PLEKHM1: variants seen among roughly 807,000 people sequenced by gnomAD.
PLEKHM1 encodes the protein pleckstrin homology domain-containing family M member 1.
PLEKHM1 carries 28 observed loss-of-function variants against 94.3 expected under a neutral mutation model. The observed-to-expected ratio is 0.30, with a 90% confidence interval of 0.22 to 0.41. The LOEUF (loss-of-function observed/expected upper bound fraction) is 0.41, where lower values mean the gene tolerates loss of function less well. Ranked by LOEUF, PLEKHM1 falls within the 10% of genes least tolerant of loss-of-function variation. PLEKHM1 has a pLI of 1.00. For missense variants in PLEKHM1, 907 were observed against 1,358.6 expected, an observed-to-expected ratio of 0.67 and a Z score of 5.22; for synonymous variants, 424 against 581.2, an observed-to-expected ratio of 0.73 and a Z score of 3.89.
intron 10 of PLEKHM1, 144 bp downstream of exon 10, chr17:45,440,019 C>T (rs921402793): frequency 5.0e-6 from 4 of 804,134 alleles, no homozygotes; most frequent in Admixed American, 2.0e-5. Flanking sequence ...GGCAGCAGGG[C>T]AACCCACCCT....
At chr17:45,466,985 A>ACC (rs2051339101) in intron 5 of PLEKHM1, among the ~76,000 whole-genome samples, 1 of 152,240 alleles carries the variant, frequency 6.6e-6, no homozygotes. Flanking sequence ...AACAACCCAA[A>ACC]TGTCCATTAA....
chr17:45,439,509 G>C lies in PLEKHM1; in HGVS notation c.3027C>G (p.Ile1009Met). Residue 1009 changes from isoleucine (I) to methionine (M), a missense_variant, in exon 11 of 12, where the codon ATC becomes ATG. Coordinates refer to ENST00000430334, the MANE Select transcript of PLEKHM1 (RefSeq NM_014798.3). ...TGGTGTCAAACTCAAAGGGGAAGAT[G>C]ATGTCGTGGTGCTGGCAGATCTGGC... Reference protein sequence around the residue: ...FICQICQHHDIIFPFEFDTTV... With the variant: ...FICQICQHHDMIFPFEFDTTV... 6.2e-7 allele frequency: 1 copy of C among 1,614,258 alleles called. No individual in the cohort carries two copies. Among genetic ancestry groups the C allele is most frequent in the Non-Finnish European group, 8.5e-7 (1 of 1,180,050 alleles).
chr17:45,483,606 T>C (rs1435817131), intron 1 of PLEKHM1, among the ~76,000 whole-genome samples: 1 of 152,216 alleles, frequency 6.6e-6, no homozygotes, highest in Non-Finnish European at 1.5e-5. Context: ...GGAAAGGTGA[T>C]GTCTGTCTCA....
chr17:45,456,344 A>C (rs1464997436), intron 6 of PLEKHM1: 1 of 152,266 alleles, frequency 6.6e-6, no homozygotes, highest in Non-Finnish European at 1.5e-5. Context: ...AGTGCCTGGC[A>C]CATCACAGAG....
intron 9 of PLEKHM1, among the ~76,000 whole-genome samples, chr17:45,443,115 G>T (rs2050497366): frequency 6.6e-6 from 1 of 152,086 alleles, no homozygotes; most frequent in Admixed American, 6.6e-5. Context: ...TCCTCGCTTG[G>T]AAGATTGACC....
At chr17:45,473,712 C>T (rs2051598673) in intron 4 of PLEKHM1, among the ~76,000 whole-genome samples, 2 of 151,976 alleles carry the variant, frequency 1.3e-5, no homozygotes, top group South Asian at 4.1e-4. Flanking sequence ...GCGCCCGCCA[C>T]CACGCCCGGC....
chr17:45,442,462 GTGGCGTGATCT>G (rs2050478251), intron 9 of PLEKHM1, among the ~76,000 whole-genome samples: 1 of 152,184 alleles, frequency 6.6e-6, no homozygotes, highest in Admixed American at 6.5e-5. Flanking sequence ...CTGGAGTGCA[GTGGCGTGATCT>G]TGGCTCACTC....
intron 1 of PLEKHM1, among the ~76,000 whole-genome samples, chr17:45,483,999 G>T (rs1371480963): frequency 4.6e-5 from 7 of 152,232 alleles, no homozygotes; most frequent in Non-Finnish European, 2.9e-5. Flanking sequence ...GAAGTGGGGC[G>T]TGGGCCATGC....
intron 2 of PLEKHM1, among the ~76,000 whole-genome samples, chr17:45,478,653 G>A (rs1292691340): frequency 6.6e-6 from 1 of 152,130 alleles, no homozygotes; most frequent in Non-Finnish European, 1.5e-5. Flanking sequence ...GAGGAGAACA[G>A]GAGCATGGTT....
chr17:45,476,744 TG>T (rs1183278805), intron 3 of PLEKHM1, among the ~76,000 whole-genome samples: 1 of 152,050 alleles, frequency 6.6e-6, no homozygotes, highest in African/African-American at 2.4e-5. Context: ...AGACCCCAGG[TG>T]TACCAAACTC....
chr17:45,440,380 T>C (rs2050412455), intron 9 of PLEKHM1, 154 bp from the exon 10 acceptor site: 1 of 737,270 alleles, frequency 1.4e-6, no homozygotes, highest in Admixed American at 2.0e-5. Flanking sequence ...CTGCCTGGGC[T>C]TGGGGCCTGG....
At chr17:45,446,277 C>A (rs1350387794) in intron 8 of PLEKHM1, 1 of 154,644 alleles carries the variant, frequency 6.5e-6, no homozygotes, top group African/African-American at 2.4e-5. Context: ...TGCCAATAAT[C>A]GAGCGCCTAC....
At chr17:45,482,802 G>A (rs559160517) in intron 1 of PLEKHM1, among the ~76,000 whole-genome samples, 10 of 152,222 alleles carry the variant, frequency 6.6e-5, no homozygotes, top group Middle Eastern at 3.4e-3. Context: ...ATCAAATGCT[G>A]CCCAGAAAGC....
At position 45,436,003 on chromosome 17, in the gene PLEKHM1, C is replaced by G; in HGVS notation, c.*1855G>C. On this transcript the variant is annotated 3_prime_UTR_variant, in exon 12 of 12. Coordinates refer to ENST00000430334, the MANE Select transcript of PLEKHM1 (RefSeq NM_014798.3). ...CTCCTCAGGGCCAGAGCCCTGCTCA[C>G]TAGGAACAGTGTATTGCATAAAATA... is the stretch of plus-strand genomic sequence containing the variant. 1 of 456,682 alleles carries G rather than the reference C, an allele frequency of 2.2e-6. No individual in the cohort carries two copies. Among genetic ancestry groups the G allele is most frequent in the Non-Finnish European group, 4.4e-6 (1 of 226,990 alleles). The allele number at this position is 456,682 out of a possible 1,614,324, so 28.3% of individuals were successfully genotyped here. A position where few individuals can be genotyped will look rare whatever the true frequency, so the allele number is the denominator to read the frequency against.
rs1251481044 is a variant in PLEKHM1, at chr17:45,481,833, G to C, written c.48+604C>G. Among the ~76,000 whole-genome samples, 9 of 152,116 alleles carry C rather than the reference G, an allele frequency of 5.9e-5. No homozygotes were observed. In the East Asian group the frequency reaches 1.2e-3, roughly 20 times the overall value. On this transcript the variant is annotated intron_variant, in intron 2 of 11. Coordinates refer to ENST00000430334, the MANE Select transcript of PLEKHM1 (RefSeq NM_014798.3). ...CTGGGAAGCAGCAGTGGGGAGGAAA[G>C]GAAATCCTGGCTTCTCCCCGAAAGC... is the stretch of plus-strand genomic sequence containing the variant.
At chr17:45,448,168 C>T (rs897369931) in intron 8 of PLEKHM1, 4 of 152,178 alleles carry the variant, frequency 2.6e-5, no homozygotes, top group African/African-American at 4.8e-5. Flanking sequence ...GATGGCTCAA[C>T]GGAAGTATCA....
chr17:45,470,264 T>C (rs1345469983), intron 4 of PLEKHM1, among the ~76,000 whole-genome samples: 1 of 152,366 alleles, frequency 6.6e-6, no homozygotes, highest in African/African-American at 2.4e-5. Context: ...GAGCTAAAAC[T>C]GTAAAACTCT....
rs151239350 is a variant in PLEKHM1 at position 45,469,474 on chromosome 17, T to G, written c.924-881A>C. 6.2e-3 allele frequency among the ~76,000 whole-genome samples: 945 copies of G among 152,272 alleles called. 8 individuals carry two copies. Among genetic ancestry groups the G allele is most frequent in the African/African-American group, 0.021 (863 of 41,550 alleles). On this transcript the variant is annotated intron_variant, in intron 4 of 11. Coordinates refer to ENST00000430334, the MANE Select transcript of PLEKHM1 (RefSeq NM_014798.3). Reference sequence around the variant, plus strand: ...TCTTCTGAGGATCCAAGCTCCATTTTGAAAATAAACCCGTTTGCTATCTCT... The same window carrying G: ...TCTTCTGAGGATCCAAGCTCCATTTGGAAAATAAACCCGTTTGCTATCTCT...
rs2050244979 is a variant in PLEKHM1, at chr17:45,436,041, T to C, written c.*1817A>G. 2.2e-6 allele frequency: 1 copy of C among 456,528 alleles called. No individual in the cohort carries two copies. Among genetic ancestry groups the C allele is most frequent in the African/African-American group, 2.0e-5 (1 of 50,106 alleles). 28.3% of individuals were successfully genotyped at this position (456,528 alleles called of 1,614,324 possible). A position where few individuals can be genotyped will look rare whatever the true frequency, so the allele number is the denominator to read the frequency against. ...ATTGCATAAAATAACATTTTAAAAA[T>C]AGTGTGGGCACTACCTTTCTGAGGG... is the stretch of plus-strand genomic sequence containing the variant. On this transcript the variant is annotated 3_prime_UTR_variant, in exon 12 of 12. Transcript: ENST00000430334.
Sources: gnomAD v4.1 joint callset for allele counts (sites outside exome capture counted in the v4.1 genomes callset) on GRCh38, gnomAD v4.1.1 for gene constraint, MANE v1.5 for transcripts, NCBI Gene and HGNC (gene_info 2026-07-23, HGNC 2026-07-21) for gene names.